VSX1: variants seen among roughly 807,000 people sequenced by gnomAD.
The protein encoded by VSX1 is visual system homeobox 1.
VSX1 carries 23 observed loss-of-function variants against 23.6 expected under a neutral mutation model. That is an observed-to-expected ratio of 0.97 (90% CI 0.70 to 1.38). The LOEUF is 1.38. Ranked by LOEUF, VSX1 falls within the 40% of genes most tolerant of loss-of-function variation. VSX1 has a pLI of 0.00. For synonymous variants in VSX1, 247 were observed against 215.1 expected (o/e 1.15, Z -1.30); for missense variants, 517 against 495.4 (o/e 1.04, Z -0.41).
Position 25,082,129 on chromosome 20 carries a change from G to A in VSX1, c.-33C>T. On this transcript the variant is annotated 5_prime_UTR_variant, in exon 1 of 5. Coordinates refer to ENST00000376709, the MANE Select transcript of VSX1 (RefSeq NM_014588.6). ...TAGCAAGCAAGGCGCGAGCCTCTCT[G>A]GATCCCGTTTGCGGAGGGCCCAGCT... The A allele has an allele frequency of 6.5e-7, 1 of 1,536,390 alleles. No individual in the cohort carries two copies. Among genetic ancestry groups the A allele is most frequent in the Non-Finnish European group, 8.7e-7 (1 of 1,147,138 alleles).
chr20:25,079,463 A>G lies in VSX1; in HGVS notation c.476T>C (p.Leu159Ser), dbSNP rs1405687586. The G allele has an allele frequency of 6.2e-7, 1 of 1,612,744 alleles. No individual in the cohort carries two copies. The highest frequency in any genetic ancestry group is 8.5e-7 in the Non-Finnish European group (1 of 1,179,764). ...GTGCCGCCGCTTCTTCCTCTTGCCC[A>G]AGGTGGGGGATGCCTTTAGGTCATT... ...DRNDLKASPT[L>S]GKRKKRRHRT... Residue 159 changes from leucine to serine, a missense_variant, in exon 2 of 5, where the codon TTG (leucine) becomes TCG (serine). Physicochemically the swap from Leu to Ser is moderately radical, Grantham distance 145 (BLOSUM62 -2). Transcript: ENST00000376709.
Position 25,075,966 on chromosome 20 carries a change from A to G in VSX1, c.*295T>C. On this transcript the variant is annotated 3_prime_UTR_variant, in exon 5 of 5. Transcript: ENST00000376709. Reference sequence around the variant, plus strand: ...ACATCTCAAATGATGCCCAGCAGTGAAATCATTTTTGAACTTCGGATCCTC... The same window carrying G: ...ACATCTCAAATGATGCCCAGCAGTGGAATCATTTTTGAACTTCGGATCCTC... The G allele has an allele frequency of 2.1e-6, 1 of 467,390 alleles. No individual in the cohort carries two copies. The highest frequency in any genetic ancestry group is 3.9e-6 in the Non-Finnish European group (1 of 255,778). 29.0% of individuals were successfully genotyped at this position (467,390 alleles called of 1,614,324 possible).
chr20:25,072,683 T>C (rs79698715), downstream of VSX1: 2 of 471,030 alleles, frequency 4.2e-6, no homozygotes, highest in South Asian at 1.5e-5. Flanking sequence ...ACATGATTCA[T>C]TGACCACAGA....
At chr20:25,081,500 G>T in intron 1 of VSX1, 173 bp downstream of exon 1, 1 of 990,542 alleles carries the variant, frequency 1.0e-6, no homozygotes, top group Non-Finnish European at 1.6e-6. Context: ...TGCAGCAAGG[G>T]GCAGGCGGCG....
At chr20:25,080,404 T>C (rs1183806064) in intron 1 of VSX1, among the ~76,000 whole-genome samples, 6 of 152,216 alleles carry the variant, frequency 3.9e-5, no homozygotes, top group Non-Finnish European at 8.8e-5. Flanking sequence ...GCACATGAAA[T>C]GTGGCCAGTA....
chr20:25,072,165 G>A (rs923196196), downstream of VSX1: 4 of 566,084 alleles, frequency 7.1e-6, no homozygotes, highest in South Asian at 2.6e-5. Flanking sequence ...CCTTAAAATG[G>A]TTGTTTTAAG....
Position 25,082,057 on chromosome 20 carries a change from T to G in VSX1, c.40A>C (p.Ser14Arg), listed in dbSNP as rs2089663801. The G allele has an allele frequency of 6.5e-7, 1 of 1,538,670 alleles. No individual in the cohort carries two copies. Among genetic ancestry groups the G allele is most frequent in the East Asian group, 2.4e-5 (1 of 41,560 alleles). Reference protein sequence around the residue: ...RDSLSDGRTSSRALVPGGSPR... With the variant: ...RDSLSDGRTSRRALVPGGSPR... ...GAACCGCCAGGCACCAGCGCCCTGC[T>G]GCTAGTGCGCCCGTCGGAAAGCGAG... is the stretch of plus-strand genomic sequence containing the variant. The change falls in exon 1 of 5, where the codon AGC becomes CGC. Residue 14 changes from serine to arginine, a missense_variant. By Grantham distance (110) the Ser-to-Arg change is moderately radical. Transcript: ENST00000376709.
intron 4 of VSX1, 134 bp from the exon 5 acceptor site, chr20:25,076,684 G>T: frequency 9.4e-7 from 1 of 1,065,024 alleles, no homozygotes; most frequent in Non-Finnish European, 1.3e-6. Flanking sequence ...GGGGCCTACA[G>T]GAGAGGCAGG....
At chr20:25,076,814 C>T (rs557650830) in intron 4 of VSX1, among the ~76,000 whole-genome samples, 6 of 152,158 alleles carry the variant, frequency 3.9e-5, no homozygotes, top group Non-Finnish European at 5.9e-5. Context: ...GCTGCGGTCT[C>T]GCAGATGCCA....
intron 1 of VSX1, among the ~76,000 whole-genome samples, chr20:25,080,925 A>G (rs893021648): frequency 6.6e-6 from 1 of 152,086 alleles, no homozygotes; most frequent in South Asian, 2.1e-4. Flanking sequence ...TTCTTGTGTA[A>G]TTCTTTCTTT....
intron 3 of VSX1, chr20:25,078,443 C>A (rs1451561447): frequency 1.2e-6 from 1 of 846,574 alleles, no homozygotes; most frequent in East Asian, 5.0e-5. Context: ...TATGTATATG[C>A]ACATACATAT....
rs199755218 is a variant in VSX1, at chr20:25,078,729, G to C, written c.627+100C>G. 12 of 1,613,868 alleles carry C rather than the reference G, an allele frequency of 7.4e-6. No homozygotes were observed. The Admixed American group carries it at 1.5e-4, about 20-fold the overall frequency. On this transcript the variant is annotated intron_variant, in intron 3 of 4. Transcript: ENST00000376709. ...CCCTCAGTTTCTATGCAAAGGGAGC[G>C]TGTTGGCTATAGAGAAGGGACTGCT...
At chr20:25,081,382 T>C in intron 1 of VSX1, 1 of 701,516 alleles carries the variant, frequency 1.4e-6, no homozygotes, top group Non-Finnish European at 2.6e-6. Context: ...CTGGAGATGG[T>C]TGTTGAAGAC....
rs1311313874 is a variant in VSX1, at chr20:25,081,724, G to A, written c.373C>T (p.Pro125Ser). The A allele has an allele frequency of 2.7e-6, 4 of 1,502,296 alleles. No homozygotes were observed. In the Admixed American group the frequency reaches 8.5e-5, roughly 32 times the overall value. The allele number at this position is 1,502,296 out of a possible 1,614,324, so 93.1% of individuals were successfully genotyped here. A position where few individuals can be genotyped will look rare whatever the true frequency, so the allele number is the denominator to read the frequency against. The change falls in exon 1 of 5, where the codon CCG becomes TCG. Residue 125 changes from proline to serine, a missense_variant. Pro to Ser is a moderately conservative substitution (Grantham distance 74). Coordinates refer to ENST00000376709, the MANE Select transcript of VSX1 (RefSeq NM_014588.6). ...EPAAPLAPSRPPPALGRQKRS... is the reference protein window; with the variant it reads ...EPAAPLAPSRSPPALGRQKRS... ...TTCTGGCGGCCGAGCGCAGGCGGCG[G>A]ACGGCTGGGAGCCAGCGGGGCAGCG...
At chr20:25,079,138 T>G (rs1230613905) in intron 2 of VSX1, among the ~76,000 whole-genome samples, 186 bp from the exon 3 acceptor site, 1 of 152,182 alleles carries the variant, frequency 6.6e-6, no homozygotes. Context: ...CGAAAACAGT[T>G]CTTTAGCTCT....
At chr20:25,072,778 T>G, downstream of VSX1, 1 of 433,506 alleles carries the variant, frequency 2.3e-6, no homozygotes. Context: ...CTTCTATCAT[T>G]TCTGAAAATA....
downstream of VSX1, among the ~76,000 whole-genome samples, chr20:25,074,828 T>A (rs1234855136): frequency 6.6e-6 from 1 of 152,122 alleles, no homozygotes; most frequent in Non-Finnish European, 1.5e-5. Flanking sequence ...GAACCAACCC[T>A]CTGGGAGGCA....
At chr20:25,081,300 C>G (rs1336485127) in intron 1 of VSX1, 2 of 474,712 alleles carry the variant, frequency 4.2e-6, no homozygotes, top group East Asian at 1.1e-4. Context: ...CACCACAGGC[C>G]CGGGCCTTCC....
chr20:25,077,257 C>G (rs1180980374), intron 4 of VSX1, among the ~76,000 whole-genome samples: 6 of 152,142 alleles, frequency 3.9e-5, no homozygotes, highest in Non-Finnish European at 8.8e-5. Flanking sequence ...AGAACCAAGC[C>G]CGGGGCCAGC....
Sources: gnomAD v4.1 joint callset for allele counts (sites outside exome capture counted in the v4.1 genomes callset) on GRCh38, gnomAD v4.1.1 for gene constraint, MANE v1.5 for transcripts, NCBI Gene and HGNC (gene_info 2026-07-23, HGNC 2026-07-21) for gene names.